The following KCNIP4 variants were observed in gnomAD, a reference collection of about 807,000 sequenced individuals.
KCNIP4 encodes the protein Kv channel-interacting protein 4.
In KCNIP4, 12 loss-of-function variants were observed where a neutral mutation model predicts 34.0. That is an observed-to-expected ratio of 0.35 (90% confidence interval 0.23 to 0.57). The LOEUF (loss-of-function observed/expected upper bound fraction) is 0.57. Ranked by LOEUF, KCNIP4 falls within the 20% of genes least tolerant of loss-of-function variation. The pLI, the probability that KCNIP4 is intolerant of heterozygous loss-of-function variation, is 0.83. For missense variants in KCNIP4, 238 were observed against 311.7 expected (o/e 0.76, Z 1.78); for synonymous variants, 124 against 102.2 (o/e 1.21, Z -1.29).
intron 1 of KCNIP4, among the ~76,000 whole-genome samples, chr4:20,999,438 G>GTTTTTTTTTTTTTTTTTTT (rs56952036): frequency 6.6e-5 from 3 of 45,530 alleles, no homozygotes; most frequent in African/African-American, 2.8e-4. Flanking sequence ...TTTGTTTTTT[G>GTTTTTTTTTTTTTTTTTTT]TTTTTTTTTT....
At chr4:20,839,579 G>A (rs992845049) in intron 3 of KCNIP4, among the ~76,000 whole-genome samples, 84 of 150,926 alleles carry the variant, frequency 5.6e-4, no homozygotes, top group African/African-American at 1.9e-3. Context: ...GTTTGAGAGG[G>A]GGAAAAAGAA....
chr4:21,779,011 T>TGA (rs34076146), intron 1 of KCNIP4, among the ~76,000 whole-genome samples: 21,097 of 147,732 alleles, frequency 0.14, 1,598 homozygotes, highest in African/African-American at 0.2. Context: ...TGTGTGGGCA[T>TGA]GAGAGAGAGA....
chr4:21,676,815 C>T (rs1266833162), intron 1 of KCNIP4, among the ~76,000 whole-genome samples: 1 of 151,856 alleles, frequency 6.6e-6, no homozygotes, highest in Non-Finnish European at 1.5e-5. Flanking sequence ...TGGACATAAC[C>T]CATGAAATAC....
chr4:21,934,975 A>C (rs1431112706), intron 1 of KCNIP4, among the ~76,000 whole-genome samples: 1 of 152,124 alleles, frequency 6.6e-6, no homozygotes, highest in Non-Finnish European at 1.5e-5. Flanking sequence ...GCACATGTAC[A>C]AACACACACA....
chr4:21,247,824 CACACACACAG>C (rs1760381078), intron 1 of KCNIP4, among the ~76,000 whole-genome samples: 1 of 111,656 alleles, frequency 9.0e-6, no homozygotes, highest in Admixed American at 9.6e-5. Context: ...TATATATACA[CACACACACAG>C]ACACCACAGG....
chr4:21,473,715 CT>C (rs572883935), intron 1 of KCNIP4, among the ~76,000 whole-genome samples: 565 of 138,044 alleles, frequency 4.1e-3, no homozygotes, highest in Middle Eastern at 0.012. Context: ...ACTGAGAATT[CT>C]TTTTTTTTTT....
chr4:21,453,838 G>A (rs776466336), intron 1 of KCNIP4, among the ~76,000 whole-genome samples: 10 of 152,062 alleles, frequency 6.6e-5, no homozygotes, highest in Admixed American at 3.3e-4. Flanking sequence ...GCAGTGCTGC[G>A]TGATGGCTGA....
chr4:21,643,338 T>C (rs1425452194), intron 1 of KCNIP4, among the ~76,000 whole-genome samples: 10 of 152,148 alleles, frequency 6.6e-5, no homozygotes, highest in Admixed American at 6.5e-4. Flanking sequence ...TTGCATCCTC[T>C]TTTAGGGGAA....
At chr4:21,016,434 T>C (rs1174558814) in intron 1 of KCNIP4, among the ~76,000 whole-genome samples, 1 of 151,664 alleles carries the variant, frequency 6.6e-6, no homozygotes, top group Non-Finnish European at 1.5e-5. Context: ...TAGCTGGGAC[T>C]ACAGGTGCCC....
intron 1 of KCNIP4, among the ~76,000 whole-genome samples, chr4:21,309,412 TTAAG>T (rs1462965752): frequency 6.6e-6 from 1 of 152,332 alleles, no homozygotes. Flanking sequence ...GAGCTGATTA[TTAAG>T]TATTTCATAC....
intron 1 of KCNIP4, among the ~76,000 whole-genome samples, chr4:21,876,981 A>G (rs1382131288): frequency 6.8e-6 from 1 of 146,518 alleles, no homozygotes; most frequent in Non-Finnish European, 1.5e-5. Context: ...GGATTAGGAG[A>G]AAAAAAAAAA....
chr4:21,032,435 C>A (rs1474974493), intron 1 of KCNIP4, among the ~76,000 whole-genome samples: 2 of 152,048 alleles, frequency 1.3e-5, no homozygotes, highest in Admixed American at 6.6e-5. Flanking sequence ...TTTCTTATAA[C>A]CCCTCTAATA....
At chr4:21,134,328 T>G (rs1751331409) in intron 1 of KCNIP4, among the ~76,000 whole-genome samples, 3 of 152,218 alleles carry the variant, frequency 2.0e-5, no homozygotes, top group African/African-American at 4.8e-5. Context: ...CTTTTAATCT[T>G]TTTAATAACA....
intron 1 of KCNIP4, among the ~76,000 whole-genome samples, chr4:21,138,542 G>A (rs1751691283): frequency 6.6e-6 from 1 of 150,866 alleles, no homozygotes; most frequent in East Asian, 1.9e-4. Flanking sequence ...CTTTTTTTTG[G>A]TTGTTCTCTC....
chr4:21,470,779 C>G (rs556446015), intron 1 of KCNIP4, among the ~76,000 whole-genome samples: 1 of 152,046 alleles, frequency 6.6e-6, no homozygotes, highest in South Asian at 2.1e-4. Flanking sequence ...CAAGAGAATT[C>G]TTGGCCAAAC....
At chr4:21,711,863 C>A (rs892766408) in intron 1 of KCNIP4, among the ~76,000 whole-genome samples, 1 of 152,178 alleles carries the variant, frequency 6.6e-6, no homozygotes, top group African/African-American at 2.4e-5. Context: ...ATGAACTAAT[C>A]TTCACAGGAA....
chr4:21,278,363 C>T (rs1762564915), intron 1 of KCNIP4, among the ~76,000 whole-genome samples: 1 of 152,080 alleles, frequency 6.6e-6, no homozygotes, highest in Non-Finnish European at 1.5e-5. Flanking sequence ...ACCCTCCACC[C>T]TCCAGTAGGC....
intron 1 of KCNIP4, among the ~76,000 whole-genome samples, chr4:21,570,466 C>T (rs568191823): frequency 6.6e-6 from 1 of 152,120 alleles, no homozygotes; most frequent in African/African-American, 2.4e-5. Context: ...TATACAATAG[C>T]TGTTTGTAGA....
intron 1 of KCNIP4, among the ~76,000 whole-genome samples, chr4:20,964,005 C>T (rs966653060): frequency 2.6e-5 from 4 of 152,084 alleles, no homozygotes; most frequent in Non-Finnish European, 4.4e-5. Flanking sequence ...CCATGAATTT[C>T]CAACTTATTA....
Sources: gnomAD v4.1 joint callset for allele counts (sites outside exome capture counted in the v4.1 genomes callset) on GRCh38, gnomAD v4.1.1 for gene constraint, MANE v1.5 for transcripts, NCBI Gene and HGNC (gene_info 2026-07-23, HGNC 2026-07-21) for gene names.